CNOT8: variants seen among roughly 807,000 people sequenced by gnomAD.
CNOT8 encodes the protein CAF1-like protein.
In CNOT8, 18 loss-of-function variants were observed where a neutral mutation model predicts 34.6. That is an observed-to-expected ratio of 0.52 (90% CI 0.36 to 0.77). The LOEUF is 0.77. CNOT8 is among the 30% of genes least tolerant of loss of function. CNOT8 has a pLI of 0.00. For missense variants in CNOT8, 189 were observed against 347.9 expected (o/e 0.54, Z 3.63); for synonymous variants, 101 against 118.8 (o/e 0.85, Z 0.98).
chr5:154,866,035 C>A (rs1324132894), intron 3 of CNOT8, among the ~76,000 whole-genome samples: 1 of 152,120 alleles, frequency 6.6e-6, no homozygotes, highest in African/African-American at 2.4e-5. Context: ...GATGTATGCC[C>A]AGGAATTTTC....
At chr5:154,871,356 C>T (rs1392033437) in intron 4 of CNOT8, among the ~76,000 whole-genome samples, 4 of 151,828 alleles carry the variant, frequency 2.6e-5, no homozygotes, top group East Asian at 1.9e-4. Context: ...GTCAGGAGTT[C>T]GAGACCAGCC....
chr5:154,863,144 TTGTTG>T, intron 1 of CNOT8, 58 bp from the exon 2 acceptor site: 1 of 667,856 alleles, frequency 1.5e-6, no homozygotes, highest in Non-Finnish European at 2.7e-6. Flanking sequence ...TTTGATGTCT[TTGTTG>T]TGTTGACATC....
rs1185868580 is a variant in CNOT8, at chr5:154,870,740, A to G, written c.391A>G (p.Ile131Val). The G allele has an allele frequency of 6.2e-7, 1 of 1,613,932 alleles. No homozygotes were observed. The highest frequency in any genetic ancestry group is 8.5e-7 in the Non-Finnish European group (1 of 1,179,944). Reference sequence around the variant, plus strand: ...GTTTCAGAAGCATGAAGAGGAAGGGATTGACACACTGCACTTTGCAGAGCT... The same window carrying G: ...GTTTCAGAAGCATGAAGAGGAAGGGGTTGACACACTGCACTTTGCAGAGCT... ...LQFQKHEEEG[I>V]DTLHFAELLM... Residue 131 changes from isoleucine to valine, a missense_variant, in exon 4 of 7, where the codon ATT (isoleucine) becomes GTT (valine). By Grantham distance (29) the Ile-to-Val change is conservative. This residue lies in a region of CNOT8 where 160 missense variants were observed against 321.9 expected (regional missense o/e 0.50). Coordinates refer to ENST00000285896, the MANE Select transcript of CNOT8 (RefSeq NM_001301073.2).
intron 1 of CNOT8, among the ~76,000 whole-genome samples, chr5:154,862,860 G>T (rs1761479902): frequency 6.6e-6 from 1 of 152,164 alleles, no homozygotes; most frequent in Non-Finnish European, 1.5e-5. Context: ...TGTGCAAAGT[G>T]ATGTGAAAGT....
Position 154,875,697 on chromosome 5 carries a change from C to T in CNOT8, c.*258C>T. The T allele has an allele frequency of 2.7e-6, 1 of 371,718 alleles. No individual in the cohort carries two copies. The highest frequency in any genetic ancestry group is 4.9e-6 in the Non-Finnish European group (1 of 204,452). 23.0% of individuals were successfully genotyped at this position (371,718 alleles called of 1,614,324 possible). A position where few individuals can be genotyped will look rare whatever the true frequency, so the allele number is the denominator to read the frequency against. On this transcript the variant is annotated 3_prime_UTR_variant, in exon 7 of 7. Transcript: ENST00000285896. Reference sequence around the variant, plus strand: ...GCCTCTCCTCTCTGGTTGCCTCCTGCCACCAGCATCCATGGCTCATTTGAC... The same window carrying T: ...GCCTCTCCTCTCTGGTTGCCTCCTGTCACCAGCATCCATGGCTCATTTGAC...
intron 3 of CNOT8, among the ~76,000 whole-genome samples, chr5:154,869,896 T>C (rs1762302375): frequency 6.6e-6 from 1 of 152,208 alleles, no homozygotes; most frequent in South Asian, 2.1e-4. Context: ...TTTCTGGGAT[T>C]ACAGGCATGA....
At chr5:154,871,483 C>G (rs1216359437) in intron 4 of CNOT8, among the ~76,000 whole-genome samples, 7 of 146,982 alleles carry the variant, frequency 4.8e-5, no homozygotes, top group African/African-American at 1.8e-4. Context: ...TTGCTTGAAC[C>G]TGGGAGGTGA....
chr5:154,870,858 T>C, intron 4 of CNOT8, 36 bp downstream of exon 4: 2 of 1,547,104 alleles, frequency 1.3e-6, no homozygotes, highest in South Asian at 1.2e-5. Context: ...TCTCTCACTT[T>C]GGGCTACACT....
At chr5:154,865,651 G>A (rs1761797678) in intron 3 of CNOT8, among the ~76,000 whole-genome samples, 1 of 152,150 alleles carries the variant, frequency 6.6e-6, no homozygotes, top group Non-Finnish European at 1.5e-5. Context: ...TGAGGGAAAT[G>A]CAAATTAAAC....
At chr5:154,861,729 C>T (rs954093105) in intron 1 of CNOT8, among the ~76,000 whole-genome samples, 1 of 152,180 alleles carries the variant, frequency 6.6e-6, no homozygotes, top group Non-Finnish European at 1.5e-5. Flanking sequence ...GACGGAGTCT[C>T]GCTCTGTCGC....
chr5:154,872,350 T>C (rs1384547555), intron 5 of CNOT8, among the ~76,000 whole-genome samples, 191 bp from the exon 6 acceptor site: 1 of 152,150 alleles, frequency 6.6e-6, no homozygotes, highest in Non-Finnish European at 1.5e-5. Flanking sequence ...GAGCAAAATG[T>C]AGGATGTAGC....
chr5:154,864,052 A>C (rs1208448887), intron 2 of CNOT8, among the ~76,000 whole-genome samples: 1 of 152,148 alleles, frequency 6.6e-6, no homozygotes, highest in African/African-American at 2.4e-5. Flanking sequence ...GGCCTCCTGT[A>C]GACGGGCATG....
chr5:154,862,448 C>T (rs917865531), intron 1 of CNOT8, among the ~76,000 whole-genome samples: 3 of 151,348 alleles, frequency 2.0e-5, no homozygotes, highest in Non-Finnish European at 4.4e-5. Context: ...CTAGCCTGGG[C>T]GACAGAGCAA....
intron 1 of CNOT8, among the ~76,000 whole-genome samples, chr5:154,860,902 C>T (rs906296743): frequency 3.9e-5 from 6 of 152,156 alleles, no homozygotes; most frequent in Admixed American, 6.6e-5. Context: ...AAGTTAAAGG[C>T]GTCTTTTGGT....
At chr5:154,873,918 C>T (rs571569343) in intron 6 of CNOT8, among the ~76,000 whole-genome samples, 29 of 152,236 alleles carry the variant, frequency 1.9e-4, no homozygotes, top group Admixed American at 6.5e-4. Flanking sequence ...TGCTAAACAT[C>T]CTGTGATACA....
chr5:154,871,690 A>G (rs1381606670), intron 4 of CNOT8, 40 bp from the exon 5 acceptor site: 7 of 1,602,788 alleles, frequency 4.4e-6, no homozygotes, highest in Non-Finnish European at 6.0e-6. Context: ...GGGCCTGATA[A>G]CCACTGCTTT....
At chr5:154,859,832 C>G (rs1236956502) in intron 1 of CNOT8, 1 of 152,238 alleles carries the variant, frequency 6.6e-6, no homozygotes, top group Non-Finnish European at 1.5e-5. Context: ...ACATACTGCA[C>G]TGCAGGTCAA....
At chr5:154,862,179 T>C (rs1021758532) in intron 1 of CNOT8, among the ~76,000 whole-genome samples, 17 of 152,240 alleles carry the variant, frequency 1.1e-4, no homozygotes, top group Admixed American at 9.8e-4. Flanking sequence ...CAGCCATCTT[T>C]AGTCCTACTG....
chr5:154,863,513 T>C (rs1192518724), intron 2 of CNOT8, 118 bp downstream of exon 2: 14 of 754,304 alleles, frequency 1.9e-5, no homozygotes, highest in Non-Finnish European at 3.1e-5. Flanking sequence ...CACTGCAGCC[T>C]TGAACTCCTG....
Sources: allele counts gnomAD v4.1 joint callset (sites outside exome capture counted in the v4.1 genomes callset), GRCh38; gene constraint gnomAD v4.1.1; regional missense constraint gnomAD v4.1.1; transcripts MANE v1.5; gene names NCBI Gene and HGNC (gene_info 2026-07-23, HGNC 2026-07-21).